The following THSD7B variants were observed in gnomAD, a reference collection of about 807,000 sequenced individuals.
THSD7B encodes thrombospondin type 1 domain containing 7B, also known as thrombospondin type-1 domain-containing protein 7B.
In THSD7B, 138 loss-of-function variants were observed where a neutral mutation model predicts 213.6. The observed-to-expected ratio is 0.65, with a 90% CI of 0.56 to 0.74. The LOEUF (loss-of-function observed/expected upper bound fraction) is 0.74. THSD7B is among the 30% of genes least tolerant of loss of function. THSD7B has a pLI of 0.00. For missense variants in THSD7B, 1,931 were observed against 1,991.5 expected (o/e 0.97, Z 0.58); for synonymous variants, 742 against 687.0 (o/e 1.08, Z -1.25).
At chr2:137,015,846 T>A (rs551718050) in intron 2 of THSD7B, among the ~76,000 whole-genome samples, 2 of 152,282 alleles carry the variant, frequency 1.3e-5, no homozygotes, top group East Asian at 3.9e-4. Context: ...TCTTATAAAT[T>A]GCAGAACCTG....
At chr2:136,870,933 G>T (rs1251811571) in intron 1 of THSD7B, among the ~76,000 whole-genome samples, 2 of 152,188 alleles carry the variant, frequency 1.3e-5, no homozygotes. Context: ...AAGCAGAAAA[G>T]CCAGGCAGGA....
intron 2 of THSD7B, among the ~76,000 whole-genome samples, chr2:137,034,726 A>G (rs941131673): frequency 1.3e-5 from 2 of 151,954 alleles, no homozygotes; most frequent in Non-Finnish European, 2.9e-5. Flanking sequence ...AGCTGAGGAT[A>G]ATGGTTTCCA....
At chr2:137,150,433 T>G (rs1355696959) in intron 5 of THSD7B, among the ~76,000 whole-genome samples, 2 of 152,098 alleles carry the variant, frequency 1.3e-5, no homozygotes, top group African/African-American at 4.8e-5. Flanking sequence ...GGTGGTTACC[T>G]CCATGCTGTT....
intron 2 of THSD7B, among the ~76,000 whole-genome samples, chr2:136,994,560 G>A (rs1014348199): frequency 3.3e-5 from 5 of 152,120 alleles, no homozygotes; most frequent in Admixed American, 3.3e-4. Context: ...GGGAAGCTCT[G>A]TCTTAGAAAA....
At chr2:137,572,934 A>G (rs1031724836) in intron 17 of THSD7B, among the ~76,000 whole-genome samples, 3 of 152,092 alleles carry the variant, frequency 2.0e-5, no homozygotes, top group Non-Finnish European at 4.4e-5. Context: ...ATTACATCTT[A>G]GGAGCTCAAC....
intron 3 of THSD7B, among the ~76,000 whole-genome samples, chr2:137,075,838 T>G (rs1687609230): frequency 6.6e-6 from 1 of 152,224 alleles, no homozygotes; most frequent in African/African-American, 2.4e-5. Flanking sequence ...TGTTGGAGTT[T>G]GCTGGAGGTC....
intron 1 of THSD7B, among the ~76,000 whole-genome samples, chr2:136,870,576 A>T (rs1487552442): frequency 6.6e-6 from 1 of 152,232 alleles, no homozygotes; most frequent in Non-Finnish European, 1.5e-5. Context: ...ATCTAGGGAC[A>T]GAGTCATCTC....
chr2:137,470,771 A>T (rs1243510727), intron 15 of THSD7B, among the ~76,000 whole-genome samples: 1 of 152,170 alleles, frequency 6.6e-6, no homozygotes, highest in African/African-American at 2.4e-5. Context: ...GATTCCCAAT[A>T]TTCCTTTAAA....
intron 5 of THSD7B, among the ~76,000 whole-genome samples, chr2:137,139,474 C>T (rs1573847780): frequency 6.6e-6 from 1 of 152,164 alleles, no homozygotes; most frequent in Non-Finnish European, 1.5e-5. Flanking sequence ...ACCAGTGCTT[C>T]GGTGGAACCC....
chr2:136,890,758 C>A (rs1273061424), intron 2 of THSD7B, among the ~76,000 whole-genome samples: 1 of 151,176 alleles, frequency 6.6e-6, no homozygotes, highest in African/African-American at 2.4e-5. Flanking sequence ...CCAGGCTGGT[C>A]TCGAACTCCT....
chr2:137,209,101 T>G (rs894004243), intron 7 of THSD7B, among the ~76,000 whole-genome samples: 1 of 152,052 alleles, frequency 6.6e-6, no homozygotes, highest in Non-Finnish European at 1.5e-5. Flanking sequence ...CAAAGTTAGC[T>G]CAGTTTATTC....
Position 137,162,820 on chromosome 2 carries a change from C to A in THSD7B, c.1525+2452C>A, listed in dbSNP as rs185624980. 1.0e-3 allele frequency among the ~76,000 whole-genome samples: 158 copies of A among 151,922 alleles called. 1 individual carries two copies. Among genetic ancestry groups the A allele is most frequent in the Admixed American group, 3.0e-3 (45 of 15,252 alleles). ...TGTTGCCCAGGCTGGAGTGCAATGG[C>A]GTGATCTTGGCTCACCACAACCTCT... On this transcript the variant is annotated intron_variant, in intron 6 of 27. Transcript: ENST00000409968.
At chr2:136,839,730 C>T (rs1191948837) in intron 1 of THSD7B, among the ~76,000 whole-genome samples, 1 of 152,052 alleles carries the variant, frequency 6.6e-6, no homozygotes, top group Non-Finnish European at 1.5e-5. Flanking sequence ...ATTTTTTCTT[C>T]TTCCTTTTTT....
chr2:137,509,916 G>A (rs977466954), intron 15 of THSD7B, among the ~76,000 whole-genome samples: 3 of 151,996 alleles, frequency 2.0e-5, no homozygotes, highest in African/African-American at 7.2e-5. Flanking sequence ...ACGGCTATTT[G>A]ATCTGGAATT....
chr2:136,928,366 T>G (rs149621193), intron 2 of THSD7B, among the ~76,000 whole-genome samples: 2 of 152,210 alleles, frequency 1.3e-5, no homozygotes, highest in South Asian at 2.1e-4. Flanking sequence ...CATCATAAAG[T>G]TGAAAAATTG....
chr2:136,895,419 T>TA (rs569023108), intron 2 of THSD7B, among the ~76,000 whole-genome samples: 1,762 of 144,188 alleles, frequency 0.012, 39 homozygotes, highest in African/African-American at 0.042. Flanking sequence ...ATCTCATTAA[T>TA]AAAAAAAAAT....
chr2:137,370,091 C>T (rs1010317598), intron 12 of THSD7B, among the ~76,000 whole-genome samples: 17 of 151,112 alleles, frequency 1.1e-4, no homozygotes, highest in Non-Finnish European at 1.3e-4. Flanking sequence ...ATTTTATTGA[C>T]AAAAGTAGGA....
At chr2:136,768,097 G>T (rs1558798818) in intron 1 of THSD7B, among the ~76,000 whole-genome samples, 1 of 152,190 alleles carries the variant, frequency 6.6e-6, no homozygotes, top group Non-Finnish European at 1.5e-5. Context: ...TCTGCTGAGT[G>T]TGCCTTTTGA....
intron 1 of THSD7B, among the ~76,000 whole-genome samples, chr2:136,790,971 C>T (rs752147821): frequency 6.6e-6 from 1 of 151,972 alleles, no homozygotes; most frequent in Non-Finnish European, 1.5e-5. Context: ...CTTTGTAGAC[C>T]AGTGTGCCAG....
Sources: gnomAD v4.1 joint callset for allele counts (sites outside exome capture counted in the v4.1 genomes callset) on GRCh38, gnomAD v4.1.1 for gene constraint, MANE v1.5 for transcripts, NCBI Gene and HGNC (gene_info 2026-07-23, HGNC 2026-07-21) for gene names.